Variants in ULK4 observed in about 807,000 individuals in gnomAD.
The protein encoded by ULK4 is inactive serine/threonine-protein kinase ULK4.
Under a neutral mutation model 160.6 loss-of-function variants are expected in ULK4, and 133 were observed. The ratio of observed to expected loss-of-function variants is 0.83; its 90% confidence interval spans 0.72 to 0.96. The LOEUF (loss-of-function observed/expected upper bound fraction) is 0.96. Among genes scored for constraint, ULK4 ranks in the 40% least tolerant of loss-of-function variants. The pLI is 0.00. For missense variants in ULK4, 1,580 were observed against 1,499.5 expected (o/e 1.05, Z -0.89); for synonymous variants, 534 against 539.8 (o/e 0.99, Z 0.15).
intron 35 of ULK4, among the ~76,000 whole-genome samples, chr3:41,390,563 T>G (rs1296271924): frequency 1.3e-5 from 2 of 152,320 alleles, no homozygotes; most frequent in African/African-American, 2.4e-5. Context: ...TCTGGTATGT[T>G]GTGTCTTTGT....
At chr3:41,694,761 A>AT (rs1444342068) in intron 27 of ULK4, among the ~76,000 whole-genome samples, 1 of 152,112 alleles carries the variant, frequency 6.6e-6, no homozygotes, top group Non-Finnish European at 1.5e-5. Context: ...GTTATACTCT[A>AT]TTTTTTAAAT....
At chr3:41,302,950 G>A (rs1484241895) in intron 35 of ULK4, among the ~76,000 whole-genome samples, 2 of 152,066 alleles carry the variant, frequency 1.3e-5, no homozygotes, top group Non-Finnish European at 2.9e-5. Context: ...AATAATAAGT[G>A]AAATCATTCT....
At position 41,431,547 on chromosome 3, in the gene ULK4, C is replaced by CCTTTTTTTTTTTTTTTTTTTTTTTTT. The variant is rs563543377; in HGVS notation, c.3492+23949_3492+23950insAAAAAAAAAAAAAAAAAAAAAAAAAG. Among the ~76,000 whole-genome samples, 21 of 95,866 alleles carry CCTTTTTTTTTTTTTTTTTTTTTTTTT rather than the reference C, an allele frequency of 2.2e-4. 2 individuals carry two copies. The highest frequency in any genetic ancestry group is 1.1e-3 in the South Asian group (3 of 2,646). 62.9% of individuals were successfully genotyped at this position (95,866 alleles called of 152,430 possible). ...CCTGTGAGGTGTTGTAATTCCCTCCCTTTTTTTTTTTTTTTGATGTGGAAA... is the reference window on the plus strand; with the variant it reads ...CCTGTGAGGTGTTGTAATTCCCTCCCCTTTTTTTTTTTTTTTTTTTTTTTTTTTTTTTTTTTTTTTTGATGTGGAAA... On this transcript the variant is annotated intron_variant, in intron 34 of 36. Transcript: ENST00000301831.
intron 5 of ULK4, among the ~76,000 whole-genome samples, chr3:41,922,681 G>C (rs1699233468): frequency 6.6e-6 from 1 of 152,090 alleles, no homozygotes; most frequent in Non-Finnish European, 1.5e-5. Context: ...GGTCCCCCAA[G>C]AAGCAGACAC....
intron 5 of ULK4, among the ~76,000 whole-genome samples, chr3:41,931,155 A>G (rs914039377): frequency 1.3e-5 from 2 of 152,212 alleles, no homozygotes; most frequent in Non-Finnish European, 2.9e-5. Flanking sequence ...GCAGCCATAA[A>G]AAAGGATGAG....
intron 22 of ULK4, among the ~76,000 whole-genome samples, chr3:41,736,751 A>T (rs1456900193): frequency 1.3e-5 from 2 of 150,780 alleles, no homozygotes; most frequent in East Asian, 1.9e-4. Flanking sequence ...GGTGTTTTAG[A>T]CATGAAGTCC....
intron 35 of ULK4, among the ~76,000 whole-genome samples, chr3:41,348,495 G>A (rs1298759612): frequency 6.6e-6 from 1 of 152,148 alleles, no homozygotes; most frequent in Non-Finnish European, 1.5e-5. Context: ...CTTTACAGAG[G>A]AGGGATGGGG....
At chr3:41,475,603 C>T (rs1385865304) in intron 32 of ULK4, among the ~76,000 whole-genome samples, 3 of 151,948 alleles carry the variant, frequency 2.0e-5, no homozygotes, top group Non-Finnish European at 4.4e-5. Context: ...AAATATACAA[C>T]TATAATTTGT....
chr3:41,652,720 C>G (rs534374270), intron 30 of ULK4, among the ~76,000 whole-genome samples: 11 of 152,328 alleles, frequency 7.2e-5, no homozygotes, highest in African/African-American at 2.6e-4. Flanking sequence ...TTTTTATCCA[C>G]ATGACACTGA....
intron 35 of ULK4, among the ~76,000 whole-genome samples, chr3:41,330,817 A>G (rs1398045635): frequency 6.6e-6 from 1 of 152,202 alleles, no homozygotes; most frequent in Non-Finnish European, 1.5e-5. Context: ...TCATGCTGTC[A>G]TGCTTACATT....
chr3:41,803,754 C>T (rs534125881), intron 19 of ULK4, among the ~76,000 whole-genome samples: 1 of 151,988 alleles, frequency 6.6e-6, no homozygotes, highest in Admixed American at 6.6e-5. Flanking sequence ...TTTGTCCTTG[C>T]AATAGTTTAC....
chr3:41,859,324 G>T, intron 17 of ULK4: 1 of 588,684 alleles, frequency 1.7e-6, no homozygotes, highest in South Asian at 1.4e-5. Flanking sequence ...CTCAAAGACT[G>T]AGCACTGTAG....
At chr3:41,415,842 C>T (rs534797133) in intron 34 of ULK4, among the ~76,000 whole-genome samples, 37 of 152,290 alleles carry the variant, frequency 2.4e-4, no homozygotes, top group East Asian at 1.2e-3. Flanking sequence ...ACCTGGTAGA[C>T]AGCACCCAGC....
chr3:41,415,938 C>T (rs17269115), intron 34 of ULK4, among the ~76,000 whole-genome samples: 40,012 of 152,120 alleles, frequency 0.26, 5,546 homozygotes, highest in South Asian at 0.39. Flanking sequence ...AAGAGAGATA[C>T]CCTCAAGTAA....
intron 25 of ULK4, among the ~76,000 whole-genome samples, chr3:41,707,433 G>C (rs141631114): frequency 6.6e-6 from 1 of 152,042 alleles, no homozygotes; most frequent in Admixed American, 6.6e-5. Flanking sequence ...GACAACTTAC[G>C]GAATGGGAAA....
intron 34 of ULK4, among the ~76,000 whole-genome samples, chr3:41,409,029 GT>G (rs2082355920): frequency 6.6e-6 from 1 of 152,142 alleles, no homozygotes; most frequent in African/African-American, 2.4e-5. Context: ...GCAAAGGCAA[GT>G]GGACTGCATG....
At chr3:41,424,490 C>T (rs2082732520) in intron 34 of ULK4, among the ~76,000 whole-genome samples, 1 of 152,136 alleles carries the variant, frequency 6.6e-6, no homozygotes. Flanking sequence ...ACAGAGGTTG[C>T]CAGACACCTT....
chr3:41,918,583 T>G (rs1281397474), intron 6 of ULK4, 43 bp from the exon 7 acceptor site: 6 of 770,526 alleles, frequency 7.8e-6, no homozygotes, highest in Non-Finnish European at 1.2e-5. Flanking sequence ...AAGTCTGCTA[T>G]CACCAATAAT....
chr3:41,272,041 G>C (rs2888056), intron 35 of ULK4, among the ~76,000 whole-genome samples: 38,057 of 151,970 alleles, frequency 0.25, 7,083 homozygotes, highest in African/African-American at 0.52. Flanking sequence ...CTCAGCCTCC[G>C]GAGTAGCTGG....
Sources: allele counts gnomAD v4.1 joint callset (sites outside exome capture counted in the v4.1 genomes callset), GRCh38; gene constraint gnomAD v4.1.1; transcripts MANE v1.5; gene names NCBI Gene and HGNC (gene_info 2026-07-23, HGNC 2026-07-21).